The following ADGRV1 variants were observed in gnomAD, a reference collection of about 807,000 sequenced individuals.
ADGRV1 encodes adhesion G protein-coupled receptor V1.
In ADGRV1, 359 loss-of-function variants were observed where a neutral mutation model predicts 596.2. The observed-to-expected ratio is 0.60, with a 90% CI of 0.55 to 0.66. ADGRV1 has a LOEUF of 0.66. ADGRV1 is among the 30% of genes least tolerant of loss of function. The pLI is 0.00. For synonymous variants in ADGRV1, 2,681 were observed against 2,679.2 expected (o/e 1.00, Z -0.02); for missense variants, 7,274 against 7,575.6 (o/e 0.96, Z 1.48).
At chr5:90,954,169 C>CTTTTTTTTTTTTTTTTTTT (rs70973717) in intron 83 of ADGRV1, among the ~76,000 whole-genome samples, 1 of 138,428 alleles carries the variant, frequency 7.2e-6, no homozygotes, top group Non-Finnish European at 1.5e-5. Context: ...CCCAGCCTTG[C>CTTTTTTTTTTTTTTTTTTT]TTTTTTTTTT....
At position 90,731,264 on chromosome 5, in the gene ADGRV1, G is replaced by A. The variant is rs577054748; in HGVS notation, c.10549+1500G>A. On this transcript the variant is annotated intron_variant, in intron 50 of 89. Coordinates refer to ENST00000405460, the MANE Select transcript of ADGRV1 (RefSeq NM_032119.4). ...CATGGTGGAGGGAAAAAGAGAGCGC[G>A]AAGGGGGAAGTGCTGCACACTTTTA... is the stretch of plus-strand genomic sequence containing the variant. Among the ~76,000 whole-genome samples, 10 of 152,246 alleles carry A rather than the reference G, an allele frequency of 6.6e-5. 1 individual carries two copies. Among genetic ancestry groups the A allele is most frequent in the Admixed American group, 4.6e-4 (7 of 15,290 alleles).
At chr5:90,612,449 A>G (rs902015683) in intron 1 of ADGRV1, among the ~76,000 whole-genome samples, 6 of 152,020 alleles carry the variant, frequency 3.9e-5, no homozygotes, top group African/African-American at 1.4e-4. Context: ...TGTAAATGGC[A>G]GTACAGTGTG....
At chr5:90,700,325 A>G (rs553784074) in intron 34 of ADGRV1, among the ~76,000 whole-genome samples, 3 of 152,196 alleles carry the variant, frequency 2.0e-5, no homozygotes, top group African/African-American at 7.2e-5. Context: ...AATGTGGACT[A>G]TGCTGAACTT....
rs376510406 is a variant in ADGRV1 at position 91,100,529 on chromosome 5, G to A, written c.18311-1690G>A. ...GGAAGGATGGAAGGAAGGAAGGAAG[G>A]GGAAAAGAAAGAATAATGGATAATA... On this transcript the variant is annotated intron_variant, in intron 86 of 89. Transcript: ENST00000405460. 3.3e-5 allele frequency among the ~76,000 whole-genome samples: 5 copies of A among 150,918 alleles called. No individual in the cohort carries two copies. In the East Asian group the frequency reaches 9.7e-4, roughly 29 times the overall value.
chr5:90,828,317 A>C (rs1190003460), intron 76 of ADGRV1, among the ~76,000 whole-genome samples: 1 of 152,106 alleles, frequency 6.6e-6, no homozygotes, highest in Non-Finnish European at 1.5e-5. Flanking sequence ...ATAAAAATAG[A>C]ACCTTACAAA....
chr5:90,752,603 C>T (rs182093312), intron 53 of ADGRV1, among the ~76,000 whole-genome samples: 1 of 152,316 alleles, frequency 6.6e-6, no homozygotes, highest in East Asian at 1.9e-4. Context: ...CCTCCAGCTC[C>T]ATCCATGTCC....
intron 84 of ADGRV1, among the ~76,000 whole-genome samples, chr5:90,978,162 G>T (rs1779775379): frequency 1.3e-5 from 2 of 151,998 alleles, no homozygotes; most frequent in African/African-American, 4.8e-5. Flanking sequence ...AGGCATGGTG[G>T]CAGGCGCCTG....
intron 86 of ADGRV1, among the ~76,000 whole-genome samples, chr5:91,090,406 T>C (rs1004286097): frequency 6.6e-6 from 1 of 152,126 alleles, no homozygotes; most frequent in Non-Finnish European, 1.5e-5. Context: ...ATTCTAGGCT[T>C]GTACCATTTT....
At chr5:90,628,864 A>G (rs1765140057) in intron 8 of ADGRV1, 32 bp downstream of exon 8, 1 of 1,596,534 alleles carries the variant, frequency 6.3e-7, no homozygotes, top group Non-Finnish European at 8.6e-7. Context: ...ATGCTTGTTA[A>G]TATTTCTGTG....
chr5:90,956,553 GAAAATCCAAATCTACGTGTAAAATTT>G (rs1193028270), intron 83 of ADGRV1, among the ~76,000 whole-genome samples: 1 of 152,158 alleles, frequency 6.6e-6, no homozygotes, highest in African/African-American at 2.4e-5. Flanking sequence ...ATGTGACTTT[GAAAATCCAAATCTACGTGTAAAATTT>G]AGTTCAACCT....
intron 87 of ADGRV1, among the ~76,000 whole-genome samples, chr5:91,130,313 C>T (rs1342753736): frequency 2.6e-5 from 4 of 151,030 alleles, no homozygotes; most frequent in African/African-American, 9.7e-5. Flanking sequence ...GGGTGGATCA[C>T]TTGAGGTCAG....
chr5:90,652,635 A>G, intron 19 of ADGRV1, 72 bp downstream of exon 19: 3 of 963,902 alleles, frequency 3.1e-6, no homozygotes, highest in Non-Finnish European at 4.5e-6. Flanking sequence ...TTATACTTAG[A>G]TAATTAGAGC....
chr5:90,811,275 G>A lies in ADGRV1; in HGVS notation c.16015G>A (p.Ala5339Thr), dbSNP rs762606935. The change falls in exon 74 of 90, where the codon GCA becomes ACA. Residue 5339 changes from alanine to threonine, a missense_variant. By Grantham distance (58) the Ala-to-Thr change is moderately conservative. Transcript: ENST00000405460. Reference protein sequence around the residue: ...YVFLTNPQGGAQIVEEKDDTG... With the variant: ...YVFLTNPQGGTQIVEEKDDTG... Reference sequence around the variant, plus strand: ...GTTTCTCACAAACCCTCAAGGGGGAGCACAGATTGTGGAGGAGAAGGATGA... The same window carrying A: ...GTTTCTCACAAACCCTCAAGGGGGAACACAGATTGTGGAGGAGAAGGATGA... The A allele has an allele frequency of 6.2e-7, 1 of 1,612,790 alleles. No homozygotes were observed.
chr5:90,921,152 A>G (rs1773840213), intron 83 of ADGRV1, among the ~76,000 whole-genome samples: 1 of 152,226 alleles, frequency 6.6e-6, no homozygotes, highest in Non-Finnish European at 1.5e-5. Context: ...CATGCATTTT[A>G]AATATTCTTT....
intron 85 of ADGRV1, among the ~76,000 whole-genome samples, chr5:91,037,434 T>C (rs916918896): frequency 3.3e-5 from 5 of 151,786 alleles, no homozygotes; most frequent in Non-Finnish European, 7.4e-5. Flanking sequence ...TGTCTTCCAA[T>C]GTTTGTCCCA....
intron 79 of ADGRV1, among the ~76,000 whole-genome samples, chr5:90,851,168 A>AGAGAGAG (rs1469870808): frequency 1.5e-3 from 197 of 135,276 alleles, no homozygotes; most frequent in East Asian, 3.2e-3. Context: ...AGAGAGAGAG[A>AGAGAGAG]ATGAATCTGA....
intron 86 of ADGRV1, among the ~76,000 whole-genome samples, chr5:91,092,181 A>T (rs565437942): frequency 7.9e-5 from 12 of 152,216 alleles, no homozygotes; most frequent in African/African-American, 2.9e-4. Flanking sequence ...GCTCACTGCA[A>T]CCTCTGCCTC....
chr5:90,710,994 G>A lies in ADGRV1; in HGVS notation c.8838G>A (p.Leu2946=). 1.2e-6 allele frequency: 2 copies of A among 1,605,442 alleles called. No homozygotes were observed. Among genetic ancestry groups the A allele is most frequent in the Non-Finnish European group, 1.7e-6 (2 of 1,173,768 alleles). The change falls in exon 40 of 90, where the codon TTG becomes TTA. Residue 2946 remains leucine, a synonymous_variant. Transcript: ENST00000405460. ...SFPPRLDSEG[L]TAQVIIDAND... ...ATGTTTTTTAAGATTCAGAAGGTTT[G>A]ACTGCACAAGTTATTATTGATGCCA...
intron 77 of ADGRV1, among the ~76,000 whole-genome samples, chr5:90,833,639 CAGGTATTTT>C (rs1317112352): frequency 6.6e-6 from 1 of 152,100 alleles, no homozygotes; most frequent in African/African-American, 2.4e-5. Flanking sequence ...AGTTAATTCT[CAGGTATTTT>C]ATTTTACTTG....
Sources: gnomAD v4.1 joint callset for allele counts (sites outside exome capture counted in the v4.1 genomes callset) on GRCh38, gnomAD v4.1.1 for gene constraint, MANE v1.5 for transcripts, NCBI Gene and HGNC (gene_info 2026-07-23, HGNC 2026-07-21) for gene names.